The following TMEM254 variants were observed in gnomAD, a reference collection of about 807,000 sequenced individuals.
The protein encoded by TMEM254 is transmembrane protein 254.
A neutral mutation model predicts 13.9 loss-of-function variants in TMEM254; 16 were observed. The observed-to-expected ratio is 1.15, with a 90% CI of 0.78 to 1.75. The LOEUF (loss-of-function observed/expected upper bound fraction) is 1.75. Among genes scored for constraint, TMEM254 ranks in the 40% most tolerant of loss-of-function variants. TMEM254 has a pLI of 0.00. For missense variants in TMEM254, 155 were observed against 149.0 expected (o/e 1.04, Z -0.21); for synonymous variants, 61 against 56.4 (o/e 1.08, Z -0.36).
At chr10:80,084,704 G>C (rs1844223978) in intron 3 of TMEM254, among the ~76,000 whole-genome samples, 1 of 152,204 alleles carries the variant, frequency 6.6e-6, no homozygotes, top group Non-Finnish European at 1.5e-5. Flanking sequence ...TAGAATCTCA[G>C]ATTGGAAGTG....
Position 80,092,528 on chromosome 10 carries a change from A to G in TMEM254, c.*1611A>G, listed in dbSNP as rs1160502138. 6.6e-6 allele frequency: 1 copy of G among 152,222 alleles called. No individual in the cohort carries two copies. Among genetic ancestry groups the G allele is most frequent in the Non-Finnish European group, 1.5e-5 (1 of 68,036 alleles). The allele number at this position is 152,222 out of a possible 1,614,324, so 9.4% of individuals were successfully genotyped here. On this transcript the variant is annotated 3_prime_UTR_variant, in exon 4 of 4. Coordinates refer to ENST00000372281, the MANE Select transcript of TMEM254 (RefSeq NM_025125.4). The stretch of plus-strand genomic sequence containing the variant: ...TATTGAATGAAATTGATTAACTTGA[A>G]TAAAATGCTGTGAATTTTCTCTAGC...
chr10:80,082,322 G>C, intron 3 of TMEM254, 118 bp downstream of exon 3: 1 of 1,173,984 alleles, frequency 8.5e-7, no homozygotes, highest in South Asian at 1.3e-5. Flanking sequence ...GGGTAGAGCG[G>C]AATCCCCATG....
At chr10:80,083,618 A>T (rs112949000) in intron 3 of TMEM254, among the ~76,000 whole-genome samples, 1 of 152,152 alleles carries the variant, frequency 6.6e-6, no homozygotes, top group Middle Eastern at 3.2e-3. Context: ...TTCTAATTCA[A>T]AATGTCTGTT....
At chr10:80,088,239 T>A (rs1844406808) in intron 3 of TMEM254, among the ~76,000 whole-genome samples, 2 of 152,192 alleles carry the variant, frequency 1.3e-5, no homozygotes, top group African/African-American at 2.4e-5. Context: ...ACTGTCTTAA[T>A]AGCAGCAGCT....
rs1424229277 is a variant in TMEM254, at chr10:80,092,238, C to T, written c.*1321C>T. The T allele has an allele frequency of 4.6e-5, 7 of 152,174 alleles. No individual in the cohort carries two copies. Among genetic ancestry groups the T allele is most frequent in the Admixed American group, 6.5e-5 (1 of 15,276 alleles). The allele number at this position is 152,174 out of a possible 1,614,324, so 9.4% of individuals were successfully genotyped here. On this transcript the variant is annotated 3_prime_UTR_variant, in exon 4 of 4. Transcript: ENST00000372281. ...GCAAACATTTATGGGAAACAACCCG[C>T]TCCCGAAAACGGAGCCCCCAAGTAA...
intron 3 of TMEM254, chr10:80,086,213 C>T: frequency 7.0e-7 from 1 of 1,438,450 alleles, no homozygotes; most frequent in Non-Finnish European, 9.1e-7. Context: ...TCTTAAAAGA[C>T]TTTTGTCTTT....
In TMEM254 at chr10:80,090,867, T is replaced by C. The variant is rs1383123924; in HGVS notation, c.322T>C (p.Ser108Pro). 4 of 1,614,120 alleles carry C rather than the reference T, an allele frequency of 2.5e-6. No individual in the cohort carries two copies. The highest frequency in any genetic ancestry group is 1.6e-4 in the Middle Eastern group (1 of 6,062). ...FLQTFFFGIA[S>P]LTILIAYKRK... ...ACAGACTTTCTTCTTTGGGATAGCG[T>C]CTCTCACCATCTTGATTGCTTACAA... Residue 108 changes from serine to proline, a missense_variant, in exon 4 of 4, where the codon TCT (serine) becomes CCT (proline). Physicochemically the swap from Ser to Pro is moderately conservative, Grantham distance 74 (BLOSUM62 -1). Coordinates refer to ENST00000372281, the MANE Select transcript of TMEM254 (RefSeq NM_025125.4).
chr10:80,090,297 C>T, intron 3 of TMEM254: 1 of 698,778 alleles, frequency 1.4e-6, no homozygotes. Context: ...TGCCAGGCTC[C>T]TTCCTGAGCA....
rs1026001030 is a variant in TMEM254 at position 80,090,998 on chromosome 10, C to T, written c.*81C>T. 8.5e-6 allele frequency: 13 copies of T among 1,529,768 alleles called. No individual in the cohort carries two copies. In the African/African-American group the frequency reaches 1.1e-4, roughly 13 times the overall value. The allele number at this position is 1,529,768 out of a possible 1,614,324, so 94.8% of individuals were successfully genotyped here. On this transcript the variant is annotated 3_prime_UTR_variant, in exon 4 of 4. Transcript: ENST00000372281. ...GGGGTAGAGGAGGTGCAGTAATTTA[C>T]TCAGTGATCTTTCTACTTTCTAGAA...
rs2132311312 is a variant in TMEM254 at position 80,092,481 on chromosome 10, TGCTGGGAACAATATG to T, written c.*1567_*1581del. On this transcript the variant is annotated 3_prime_UTR_variant, in exon 4 of 4. Transcript: ENST00000372281. ...AGAGAAATAATAACAGTAATAGTGG[TGCTGGGAACAATATG>T]GCAGATTATTGAATGAAATTGATTA... The T allele has an allele frequency of 6.6e-6, 1 of 152,338 alleles. No individual in the cohort carries two copies. The highest frequency in any genetic ancestry group is 2.1e-4 in the South Asian group (1 of 4,830). 9.4% of individuals were successfully genotyped at this position (152,338 alleles called of 1,614,324 possible).
Position 80,082,163 on chromosome 10 carries a change from G to A in TMEM254, c.210G>A (p.Leu70=). Residue 70 remains leucine (L), a synonymous_variant, in exon 3 of 4, where the codon CTG becomes CTA. Coordinates refer to ENST00000372281, the MANE Select transcript of TMEM254 (RefSeq NM_025125.4). ...GTTTCAGGTATTGGCTTGCCTGGCT[G>A]ATTCATGTGGGAGAGTCCTTGTATG... ...LLCNGYWLAW[L]IHVGESLYAI... 2 of 1,614,190 alleles carry A rather than the reference G, an allele frequency of 1.2e-6. No homozygotes were observed. The highest frequency in any genetic ancestry group is 1.1e-5 in the South Asian group (1 of 91,060).
At chr10:80,083,724 G>A (rs566777863) in intron 3 of TMEM254, among the ~76,000 whole-genome samples, 2 of 152,016 alleles carry the variant, frequency 1.3e-5, no homozygotes, top group Non-Finnish European at 2.9e-5. Context: ...ACTAATAATC[G>A]CTGCTTGTGG....
intron 1 of TMEM254, chr10:80,079,340 T>G (rs1314748460): frequency 2.5e-6 from 3 of 1,187,338 alleles, no homozygotes; most frequent in Non-Finnish European, 3.2e-6. Context: ...CTTAGGATAG[T>G]TTCTGCTTTC....
chr10:80,081,630 T>C, intron 1 of TMEM254: 1 of 1,484,304 alleles, frequency 6.7e-7, no homozygotes, highest in Non-Finnish European at 9.1e-7. Flanking sequence ...ATCATGCCAC[T>C]GCACTCCAGC....
intron 3 of TMEM254, among the ~76,000 whole-genome samples, chr10:80,085,508 G>A (rs1844270759): frequency 1.3e-5 from 2 of 151,784 alleles, no homozygotes; most frequent in East Asian, 1.9e-4. Flanking sequence ...CGGAGGTTGC[G>A]GTGAGCTGAG....
chr10:80,079,658 C>G (rs1172316022), intron 1 of TMEM254: 1 of 986,840 alleles, frequency 1.0e-6, no homozygotes, highest in African/African-American at 1.7e-5. Flanking sequence ...GAGAAATAAT[C>G]TGTTTAAAGG....
chr10:80,079,463 G>A, intron 1 of TMEM254: 1 of 1,049,934 alleles, frequency 9.5e-7, no homozygotes, highest in African/African-American at 1.7e-5. Flanking sequence ...GGCCTGCCAA[G>A]TCAGAATAGG....
chr10:80,079,696 G>T, intron 1 of TMEM254: 1 of 985,716 alleles, frequency 1.0e-6, no homozygotes, highest in Non-Finnish European at 1.2e-6. Flanking sequence ...TGGAAAAGTA[G>T]GTTGGGGGCT....
intron 3 of TMEM254, among the ~76,000 whole-genome samples, chr10:80,090,173 T>C (rs1844512943): frequency 1.3e-5 from 2 of 152,248 alleles, no homozygotes; most frequent in African/African-American, 2.4e-5. Flanking sequence ...CTTATTTATG[T>C]ACAGATGAGA....
Sources: allele counts gnomAD v4.1 joint callset (sites outside exome capture counted in the v4.1 genomes callset), GRCh38; gene constraint gnomAD v4.1.1; transcripts MANE v1.5; gene names NCBI Gene and HGNC (gene_info 2026-07-23, HGNC 2026-07-21).